TBC1D19: variants seen among roughly 807,000 people sequenced by gnomAD.
The protein encoded by TBC1D19 is TBC1 domain family member 19.
In TBC1D19, 60 loss-of-function variants were observed where a neutral mutation model predicts 89.0. That is an observed-to-expected ratio of 0.67 (90% CI 0.55 to 0.84). The LOEUF (loss-of-function observed/expected upper bound fraction) is 0.84. Among genes scored for constraint, TBC1D19 ranks in the 40% least tolerant of loss-of-function variants. The pLI is 0.00. For synonymous variants in TBC1D19, 189 were observed against 199.7 expected, an observed-to-expected ratio of 0.95 and a Z score of 0.45; for missense variants, 500 against 610.8, an observed-to-expected ratio of 0.82 and a Z score of 1.91.
intron 17 of TBC1D19, 133 bp downstream of exon 17, chr4:26,740,106 A>G: frequency 2.2e-6 from 1 of 463,626 alleles, no homozygotes; most frequent in South Asian, 7.1e-5. Flanking sequence ...ATGTGTTTTT[A>G]TTGCAAAAAT....
upstream of TBC1D19, among the ~76,000 whole-genome samples, chr4:26,579,846 C>A (rs1364766742): frequency 6.6e-6 from 1 of 152,040 alleles, no homozygotes; most frequent in South Asian, 2.1e-4. Flanking sequence ...AGCGGTAGGA[C>A]AAGATATTTG....
the TBC1D19 span, among the ~76,000 whole-genome samples, chr4:26,785,061 G>A: frequency 1.3e-5 from 2 of 152,164 alleles, no homozygotes; most frequent in African/African-American, 2.4e-5. Flanking sequence ...TTAAAACTGA[G>A]GCTCAGAGTG....
chr4:26,731,754 G>A (rs941036981), intron 15 of TBC1D19, among the ~76,000 whole-genome samples: 2 of 152,134 alleles, frequency 1.3e-5, no homozygotes, highest in Admixed American at 6.5e-5. Context: ...GATCTGCGTC[G>A]TGTCATCAAT....
the TBC1D19 span, among the ~76,000 whole-genome samples, chr4:26,818,868 A>G: frequency 2.0e-5 from 3 of 152,230 alleles, no homozygotes; most frequent in Admixed American, 6.5e-5. Flanking sequence ...GTGTGTGTGT[A>G]CTAAAATCAA....
chr4:26,625,981 A>T (rs569489470), intron 4 of TBC1D19, among the ~76,000 whole-genome samples: 3 of 152,216 alleles, frequency 2.0e-5, no homozygotes, highest in East Asian at 1.9e-4. Flanking sequence ...CATATAGACC[A>T]TACTTAAGGA....
intron 13 of TBC1D19, among the ~76,000 whole-genome samples, chr4:26,714,264 C>CT (rs11427835): frequency 0.066 from 10,024 of 151,488 alleles, 689 homozygotes; most frequent in African/African-American, 0.18. Context: ...TTTGTTTTTT[C>CT]TTTTTTTTTA....
chr4:26,764,029 A>C, the TBC1D19 span, among the ~76,000 whole-genome samples: 16 of 152,312 alleles, frequency 1.1e-4, no homozygotes, highest in African/African-American at 3.8e-4. Flanking sequence ...GCTTCTTTCA[A>C]ATATGTATGC....
intron 18 of TBC1D19, among the ~76,000 whole-genome samples, chr4:26,744,792 T>C (rs1184347439): frequency 6.6e-6 from 1 of 152,140 alleles, no homozygotes; most frequent in Admixed American, 6.5e-5. Flanking sequence ...ATCCAGAACA[T>C]GATCTGTCTT....
chr4:26,808,554 C>T, the TBC1D19 span, among the ~76,000 whole-genome samples: 22 of 151,968 alleles, frequency 1.4e-4, no homozygotes, highest in Middle Eastern at 6.8e-3. Context: ...GGGTGAAACC[C>T]CTTCTCTACT....
chr4:26,649,245 G>C (rs1744167467), intron 7 of TBC1D19, among the ~76,000 whole-genome samples: 1 of 151,924 alleles, frequency 6.6e-6, no homozygotes, highest in Admixed American at 6.6e-5. Flanking sequence ...TATTTTATCA[G>C]CTGTTAGCTA....
chr4:26,844,663 G>A, the TBC1D19 span, among the ~76,000 whole-genome samples: 1 of 152,324 alleles, frequency 6.6e-6, no homozygotes, highest in Admixed American at 6.5e-5. Context: ...AATGGCTGCA[G>A]CCAGCTGTGT....
chr4:26,595,634 C>A (rs1420756497), intron 1 of TBC1D19, among the ~76,000 whole-genome samples: 4 of 151,976 alleles, frequency 2.6e-5, no homozygotes, highest in Middle Eastern at 6.8e-3. Context: ...CTTGTCCCCC[C>A]ACTCCCACCA....
intron 9 of TBC1D19, among the ~76,000 whole-genome samples, chr4:26,671,215 T>C (rs1473859329): frequency 2.0e-5 from 3 of 151,774 alleles, no homozygotes; most frequent in Admixed American, 2.0e-4. Context: ...GAATTGTCAG[T>C]CTTTTCATTT....
chr4:26,615,243 A>G (rs1741609267), intron 3 of TBC1D19, among the ~76,000 whole-genome samples: 1 of 152,282 alleles, frequency 6.6e-6, no homozygotes, highest in Admixed American at 6.5e-5. Context: ...ATTAAGGTGT[A>G]TAGAACTGTT....
intron 4 of TBC1D19, among the ~76,000 whole-genome samples, chr4:26,630,720 T>C (rs116787253): frequency 0.026 from 3,909 of 152,186 alleles, 168 homozygotes; most frequent in African/African-American, 0.089. Context: ...GAGGTAAATA[T>C]TTCTACTTGT....
intron 4 of TBC1D19, among the ~76,000 whole-genome samples, chr4:26,627,431 T>C (rs1412174764): frequency 2.6e-5 from 4 of 152,072 alleles, no homozygotes; most frequent in Non-Finnish European, 4.4e-5. Flanking sequence ...GGTCAAATGG[T>C]ATTTCTAGTT....
chr4:26,755,380 AC>A lies in TBC1D19; in HGVS notation c.*434del, dbSNP rs1719209809. The A allele has an allele frequency of 6.6e-6, 1 of 152,286 alleles. No homozygotes were observed. Among genetic ancestry groups the A allele is most frequent in the African/African-American group, 2.4e-5 (1 of 41,398 alleles). 9.4% of individuals were successfully genotyped at this position (152,286 alleles called of 1,614,324 possible). A position where few individuals can be genotyped will look rare whatever the true frequency, so the allele number is the denominator to read the frequency against. ...TGTTTTGTCTCATAAATTGCTCCTC[AC>A]TAAGAGCCAGGGGTGGGGTAGGGTG... is the stretch of plus-strand genomic sequence containing the variant. On this transcript the variant is annotated 3_prime_UTR_variant, in exon 21 of 21. Coordinates refer to ENST00000264866, the MANE Select transcript of TBC1D19 (RefSeq NM_018317.4).
the TBC1D19 span, among the ~76,000 whole-genome samples, chr4:26,783,741 G>C: frequency 6.6e-6 from 1 of 152,086 alleles, no homozygotes; most frequent in Non-Finnish European, 1.5e-5. Context: ...AGGAGGATGC[G>C]GGTGGGGATG....
chr4:26,687,593 T>C (rs1461475083), intron 12 of TBC1D19, among the ~76,000 whole-genome samples: 2 of 152,126 alleles, frequency 1.3e-5, no homozygotes, highest in African/African-American at 2.4e-5. Context: ...CACAGGAAAA[T>C]ATAATTAATT....
Sources: gnomAD v4.1 joint callset for allele counts (sites outside exome capture counted in the v4.1 genomes callset) on GRCh38, gnomAD v4.1.1 for gene constraint, MANE v1.5 for transcripts, NCBI Gene and HGNC (gene_info 2026-07-23, HGNC 2026-07-21) for gene names.